HDAC9: variants seen among roughly 807,000 people sequenced by gnomAD.
HDAC9 encodes the protein histone deacetylase 9.
In HDAC9, 41 loss-of-function variants were observed where a neutral mutation model predicts 139.4. That is an observed-to-expected ratio of 0.29 (90% CI 0.23 to 0.38). HDAC9 has a LOEUF of 0.38. HDAC9 is among the 10% of genes least tolerant of loss of function. HDAC9 has a pLI of 1.00. For missense variants in HDAC9, 1,147 were observed against 1,297.0 expected, an observed-to-expected ratio of 0.88 and a Z score of 1.78; for synonymous variants, 517 against 476.2, an observed-to-expected ratio of 1.09 and a Z score of -1.12.
chr7:18,431,015 T>TTGTCC (rs10587067), intron 1 of HDAC9, among the ~76,000 whole-genome samples: 1,857 of 148,300 alleles, frequency 0.013, 35 homozygotes, highest in African/African-American at 0.043. Flanking sequence ...TTATCCTATC[T>TTGTCC]TGTCCTGTCC....
intron 11 of HDAC9, among the ~76,000 whole-genome samples, chr7:18,649,130 G>T (rs1028152636): frequency 2.6e-5 from 4 of 152,120 alleles, no homozygotes; most frequent in Admixed American, 2.6e-4. Context: ...TTTATTTTGC[G>T]AATGCCCCAC....
chr7:18,833,116 C>G (rs1795981753), intron 19 of HDAC9, among the ~76,000 whole-genome samples: 1 of 152,142 alleles, frequency 6.6e-6, no homozygotes, highest in Non-Finnish European at 1.5e-5. Flanking sequence ...ACCTTTATCA[C>G]TAAATATTTG....
At chr7:18,845,957 G>A (rs924217813) in intron 21 of HDAC9, among the ~76,000 whole-genome samples, 8 of 152,100 alleles carry the variant, frequency 5.3e-5, no homozygotes, top group Non-Finnish European at 1.0e-4. Context: ...TCAGGAGCTG[G>A]GAGGCAGTGA....
At chr7:18,852,466 A>T (rs1797372541) in intron 21 of HDAC9, among the ~76,000 whole-genome samples, 1 of 152,172 alleles carries the variant, frequency 6.6e-6, no homozygotes, top group Non-Finnish European at 1.5e-5. Context: ...ATCTTGTACA[A>T]TTACAGAAAC....
chr7:18,818,489 CTT>C (rs1004598806), intron 17 of HDAC9, among the ~76,000 whole-genome samples: 4 of 152,156 alleles, frequency 2.6e-5, no homozygotes, highest in African/African-American at 9.7e-5. Flanking sequence ...CATCTCATCT[CTT>C]GTCAGTTTAT....
intron 16 of HDAC9, among the ~76,000 whole-genome samples, chr7:18,779,110 G>T (rs1791027226): frequency 6.6e-6 from 1 of 152,014 alleles, no homozygotes; most frequent in Non-Finnish European, 1.5e-5. Context: ...CATGACTAAA[G>T]AAGCTAAGGT....
intron 14 of HDAC9, among the ~76,000 whole-genome samples, chr7:18,754,486 C>G (rs973905659): frequency 6.6e-6 from 1 of 152,086 alleles, no homozygotes; most frequent in African/African-American, 2.4e-5. Context: ...CTTGCTCTCA[C>G]ATTTGTTTTG....
At chr7:18,183,041 ACT>A (rs545789105) in intron 2 of HDAC9, among the ~76,000 whole-genome samples, 3,322 of 146,656 alleles carry the variant, frequency 0.023, 133 homozygotes, top group African/African-American at 0.08. Context: ...ACGGAGTCTC[ACT>A]CTGTTGCCCG....
chr7:18,698,574 A>C (rs979144988), intron 12 of HDAC9, among the ~76,000 whole-genome samples: 10 of 152,202 alleles, frequency 6.6e-5, no homozygotes, highest in Non-Finnish European at 1.5e-4. Context: ...CTCAGTCTAA[A>C]TGGCTTTATG....
intron 1 of HDAC9, among the ~76,000 whole-genome samples, chr7:18,322,816 G>C (rs1800129158): frequency 6.6e-6 from 1 of 152,076 alleles, no homozygotes; most frequent in Non-Finnish European, 1.5e-5. Flanking sequence ...GAAGAAAGAA[G>C]CAAGAATAAT....
rs78613561 is a variant in HDAC9, at chr7:18,570,244, G to C, written c.23-15037G>C. 4.1e-3 allele frequency among the ~76,000 whole-genome samples: 627 copies of C among 152,168 alleles called. 5 individuals carry two copies. The highest frequency in any genetic ancestry group is 0.015 in the African/African-American group (607 of 41,522). ...TCAATAGAATTTTGTATAGCTAAAA[G>C]AAAAGGGTGAAATATTAAATTTGGA... is the stretch of plus-strand genomic sequence containing the variant. On this transcript the variant is annotated intron_variant, in intron 2 of 25. Coordinates refer to ENST00000686413, the MANE Select transcript of HDAC9 (RefSeq NM_178425.4).
At chr7:18,381,102 G>C (rs1227736883) in intron 1 of HDAC9, among the ~76,000 whole-genome samples, 1 of 143,948 alleles carries the variant, frequency 6.9e-6, no homozygotes, top group Non-Finnish European at 1.5e-5. Flanking sequence ...GGGAGACCAA[G>C]GCACAAGAAT....
At chr7:18,262,201 G>T (rs1795725834) in intron 2 of HDAC9, among the ~76,000 whole-genome samples, 1 of 152,190 alleles carries the variant, frequency 6.6e-6, no homozygotes, top group African/African-American at 2.4e-5. Flanking sequence ...GAGTAAGGAA[G>T]TACAGAAGTT....
chr7:18,715,262 A>G (rs549241168), intron 12 of HDAC9, among the ~76,000 whole-genome samples: 1 of 151,192 alleles, frequency 6.6e-6, no homozygotes, highest in African/African-American at 2.4e-5. Context: ...TTTAAAGCGG[A>G]TACTTCTGTT....
intron 22 of HDAC9, among the ~76,000 whole-genome samples, chr7:18,877,794 T>G (rs76734073): frequency 0.016 from 2,439 of 152,272 alleles, 86 homozygotes; most frequent in East Asian, 0.14. Flanking sequence ...GGTAATTCTT[T>G]TCACTAGTGA....
intron 1 of HDAC9, among the ~76,000 whole-genome samples, chr7:18,298,879 A>C (rs1439146845): frequency 6.6e-6 from 1 of 152,168 alleles, no homozygotes; most frequent in East Asian, 1.9e-4. Flanking sequence ...TCATATCAGC[A>C]TTTTGTGATT....
At chr7:18,571,982 T>TC (rs56946260) in intron 2 of HDAC9, among the ~76,000 whole-genome samples, 1 of 151,936 alleles carries the variant, frequency 6.6e-6, no homozygotes, top group Non-Finnish European at 1.5e-5. Context: ...TTTTTTTTTT[T>TC]CTGTCAAAAT....
chr7:18,482,880 T>C (rs1454928442), intron 1 of HDAC9, among the ~76,000 whole-genome samples: 1 of 152,304 alleles, frequency 6.6e-6, no homozygotes, highest in East Asian at 1.9e-4. Flanking sequence ...TTGGAAGAAC[T>C]AACACTTGTC....
intron 6 of HDAC9, among the ~76,000 whole-genome samples, chr7:18,623,905 T>A (rs801508): frequency 4.6e-5 from 7 of 151,996 alleles, no homozygotes; most frequent in African/African-American, 1.7e-4. Context: ...CGGCACTGCA[T>A]TCCAGCATGG....
Sources: gnomAD v4.1 joint callset for allele counts (sites outside exome capture counted in the v4.1 genomes callset) on GRCh38, gnomAD v4.1.1 for gene constraint, MANE v1.5 for transcripts, NCBI Gene and HGNC (gene_info 2026-07-23, HGNC 2026-07-21) for gene names.